The following FGFR3 variants were observed in gnomAD, a reference collection of about 807,000 sequenced individuals.
FGFR3 encodes the protein fibroblast growth factor receptor 3.
Under a neutral mutation model 82.9 loss-of-function variants are expected in FGFR3, and 25 were observed. The observed-to-expected ratio is 0.30, with a 90% CI of 0.22 to 0.42. The LOEUF (loss-of-function observed/expected upper bound fraction) is 0.42, where lower values mean the gene tolerates loss of function less well. FGFR3 is among the 10% of genes least tolerant of loss of function. FGFR3 has a pLI of 1.00. For synonymous variants in FGFR3, 620 were observed against 516.0 expected (o/e 1.20, Z -2.73); for missense variants, 1,026 against 1,161.0 (o/e 0.88, Z 1.69).
rs1031417106 is a variant in FGFR3 at position 1,804,251 on chromosome 4, C to T, written c.1076-79C>T. 47 of 1,482,230 alleles carry T rather than the reference C, an allele frequency of 3.2e-5. No individual in the cohort carries two copies. In the African/African-American group the frequency reaches 3.9e-4, roughly 12 times the overall value. 91.8% of individuals were successfully genotyped at this position (1,482,230 alleles called of 1,614,324 possible). On this transcript the variant is annotated intron_variant, in intron 8 of 17. Coordinates refer to ENST00000440486, the MANE Select transcript of FGFR3 (RefSeq NM_000142.5). The stretch of plus-strand genomic sequence containing the variant: ...CCCCTTCCGCTCCCAGTGGTGCCTG[C>T]GGCTCTGGGCCAGGGGCATCCATGG...
At chr4:1,802,280 C>T (rs746725561) in intron 7 of FGFR3, among the ~76,000 whole-genome samples, 9 of 152,050 alleles carry the variant, frequency 5.9e-5, no homozygotes, top group African/African-American at 1.4e-4. Flanking sequence ...GAGCTGCCCA[C>T]GGGCTTCTTG....
intron 7 of FGFR3, among the ~76,000 whole-genome samples, chr4:1,802,629 G>A (rs1721333795): frequency 6.6e-6 from 1 of 152,208 alleles, no homozygotes; most frequent in Non-Finnish European, 1.5e-5. Context: ...CAGAGAGGCC[G>A]CCTCGGGCCC....
In FGFR3 at chr4:1,793,452, C is replaced by T. The variant is rs1720066515; in HGVS notation, c.-116C>T. The stretch of plus-strand genomic sequence containing the variant: ...GGAGCCGCGCGTAGCGAGCCGGGCT[C>T]CGGCGCTCGCCAGGTCCGTGCTTGG... On this transcript the variant is annotated 5_prime_UTR_variant, in exon 1 of 18. Coordinates refer to ENST00000440486, the MANE Select transcript of FGFR3 (RefSeq NM_000142.5). 1 of 149,204 alleles carries T rather than the reference C, an allele frequency of 6.7e-6. No homozygotes were observed. Among genetic ancestry groups the T allele is most frequent in the Non-Finnish European group, 1.5e-5 (1 of 66,670 alleles). The allele number at this position is 149,204 out of a possible 1,614,324, so 9.2% of individuals were successfully genotyped here.
chr4:1,799,582 C>G (rs1720948474), intron 3 of FGFR3, 59 bp downstream of exon 3: 2 of 1,549,100 alleles, frequency 1.3e-6, no homozygotes, highest in South Asian at 2.4e-5. Flanking sequence ...TCCCTGAGTC[C>G]CTGCGTGGGT....
chr4:1,797,634 G>T (rs185328337), intron 2 of FGFR3, among the ~76,000 whole-genome samples: 2 of 152,356 alleles, frequency 1.3e-5, no homozygotes, highest in Admixed American at 1.3e-4. Context: ...CTTCTGGGGG[G>T]CCTCGAGCAG....
intron 2 of FGFR3, among the ~76,000 whole-genome samples, chr4:1,796,216 G>A (rs2108760832): frequency 6.6e-6 from 1 of 152,258 alleles, no homozygotes; most frequent in Non-Finnish European, 1.5e-5. Context: ...AGGCTCGGGT[G>A]CCCTCTTCGA....
At chr4:1,803,170 G>C (rs1437099097) in intron 7 of FGFR3, 4 of 1,289,674 alleles carry the variant, frequency 3.1e-6, no homozygotes, top group Non-Finnish European at 4.0e-6. Flanking sequence ...TCCCGCCCCG[G>C]CTCGCGCTCC....
Position 1,804,439 on chromosome 4 carries a change from C to G in FGFR3, c.1185C>G (p.Leu395=). ...LFILVVAAVT[L]CRLRSPPKKG... is the part of the protein sequence containing the mutation. ...TCCTGGTGGTGGCGGCTGTGACGCT[C>G]TGCCGCCTGCGCAGCCCCCCCAAGA... The change falls in exon 9 of 18, where the codon CTC becomes CTG. Residue 395 remains leucine (L), a synonymous_variant. Coordinates refer to ENST00000440486, the MANE Select transcript of FGFR3 (RefSeq NM_000142.5). 5.0e-6 allele frequency: 8 copies of G among 1,612,704 alleles called. No individual in the cohort carries two copies. The highest frequency in any genetic ancestry group is 6.8e-6 in the Non-Finnish European group (8 of 1,179,656).
At chr4:1,796,629 G>A (rs3135854) in intron 2 of FGFR3, among the ~76,000 whole-genome samples, 2 of 151,990 alleles carry the variant, frequency 1.3e-5, no homozygotes, top group African/African-American at 4.8e-5. Context: ...ATGGAGCAAG[G>A]CTCCCCCATC....
At chr4:1,802,648 G>T (rs913233890) in intron 7 of FGFR3, among the ~76,000 whole-genome samples, 7 of 152,050 alleles carry the variant, frequency 4.6e-5, no homozygotes, top group African/African-American at 1.7e-4. Context: ...CCTGTCCAGG[G>T]TGCAGGTTCT....
At position 1,806,239 on chromosome 4, in the gene FGFR3, C is replaced by G. The variant is rs751115599; in HGVS notation, c.1960-18C>G. ...GTAGGACGCCTGGCGCCAACACCGC[C>G]TTCCCACACCCTCCCAGGGCCGGCT... On this transcript the variant is annotated intron_variant, in intron 14 of 17. Transcript: ENST00000440486. 6.2e-7 allele frequency: 1 copy of G among 1,613,014 alleles called. No individual in the cohort carries two copies. The highest frequency in any genetic ancestry group is 8.5e-7 in the Non-Finnish European group (1 of 1,179,966).
In FGFR3 at chr4:1,807,749, CCCA is replaced by C. The variant is rs1264558270; in HGVS notation, c.*490_*492del. 1 of 587,054 alleles carries C rather than the reference CCCA, an allele frequency of 1.7e-6. No individual in the cohort carries two copies. The highest frequency in any genetic ancestry group is 1.8e-5 in the African/African-American group (1 of 55,696). The allele number at this position is 587,054 out of a possible 1,614,324, so 36.4% of individuals were successfully genotyped here. ...CCTGGGGTGTTAGTGGCACCGCCTC[CCCA>C]CCTCCAGGCTTTCCCACTTCCCACC... is the stretch of plus-strand genomic sequence containing the variant. On this transcript the variant is annotated 3_prime_UTR_variant, in exon 18 of 18. Transcript: ENST00000440486.
At chr4:1,797,650 A>C (rs1253254085) in intron 2 of FGFR3, among the ~76,000 whole-genome samples, 3 of 152,054 alleles carry the variant, frequency 2.0e-5, no homozygotes, top group African/African-American at 4.8e-5. Flanking sequence ...AGCAGCTCCC[A>C]GCTCTGGGTG....
In FGFR3 at chr4:1,799,344, G is replaced by A. The variant is rs369232922; in HGVS notation, c.200G>A (p.Gly67Asp). Residue 67 changes from glycine to aspartate, a missense_variant, in exon 3 of 18, where the codon GGT becomes GAT. Transcript: ENST00000440486. ...VELSCPPPGG[G>D]PMGPTVWVKD... ...CTGAGCTGTCCCCCGCCCGGGGGTG[G>A]TCCCATGGGGCCCACTGTCTGGGTC... The A allele has an allele frequency of 1.4e-4, 228 of 1,612,604 alleles. 1 individual carries two copies. In the South Asian group the frequency reaches 2.4e-3, roughly 17 times the overall value.
intron 10 of FGFR3, 103 bp from the exon 11 acceptor site, chr4:1,805,252 G>A: frequency 6.4e-7 from 1 of 1,574,588 alleles, no homozygotes; most frequent in Non-Finnish European, 8.6e-7. Flanking sequence ...CCTGGAGGTG[G>A]TGGCTCTGGG....
chr4:1,807,231 CCCCA>C lies in FGFR3; in HGVS notation c.2395_2398del (p.Pro799AlafsTer20). 1 of 1,607,648 alleles carries C rather than the reference CCCCA, an allele frequency of 6.2e-7. No individual in the cohort carries two copies. Among genetic ancestry groups the C allele is most frequent in the Non-Finnish European group, 8.5e-7 (1 of 1,178,138 alleles). On this transcript the variant is annotated frameshift_variant, in exon 18 of 18. Transcript: ENST00000440486. LOFTEE classifies it high-confidence loss of function. ...TTTGCCCACGACCTGCTGCCCCCGG[CCCCA>C]CCCAGCAGTGGGGGCTCGCGGACGT...
intron 2 of FGFR3, among the ~76,000 whole-genome samples, chr4:1,796,106 G>T (rs1720479133): frequency 6.6e-6 from 1 of 152,196 alleles, no homozygotes; most frequent in Admixed American, 6.5e-5. Flanking sequence ...ATCTAGGGAG[G>T]CATGCAGCCC....
In FGFR3 at chr4:1,806,972, C is replaced by T. The variant is rs763714617; in HGVS notation, c.2274+38C>T. The T allele has an allele frequency of 3.2e-6, 5 of 1,573,450 alleles. No individual in the cohort carries two copies. The East Asian group carries it at 9.4e-5, about 30-fold the overall frequency. ...TCTGGCCTGGTGCCACCCGCCTATG[C>T]CCCTCCCCCTGCCGTCCCCGGCCAT... On this transcript the variant is annotated intron_variant, in intron 17 of 17. Transcript: ENST00000440486.
intron 2 of FGFR3, among the ~76,000 whole-genome samples, chr4:1,796,301 C>T (rs768716472): frequency 6.6e-6 from 1 of 152,154 alleles, no homozygotes; most frequent in Non-Finnish European, 1.5e-5. Flanking sequence ...ATAACCCTGG[C>T]AAGCCCTCTT....
Sources: gnomAD v4.1 joint callset for allele counts (sites outside exome capture counted in the v4.1 genomes callset) on GRCh38, gnomAD v4.1.1 for gene constraint, MANE v1.5 for transcripts, NCBI Gene and HGNC (gene_info 2026-07-23, HGNC 2026-07-21) for gene names.